FGF14: variants seen among roughly 807,000 people sequenced by gnomAD.
The protein encoded by FGF14 is fibroblast growth factor homologous factor 4.
In FGF14, 5 loss-of-function variants were observed where a neutral mutation model predicts 25.5. The ratio of observed to expected loss-of-function variants is 0.20; its 90% confidence interval spans 0.10 to 0.41. The LOEUF is 0.41. Ranked by LOEUF, FGF14 falls within the 10% of genes least tolerant of loss-of-function variation. FGF14 has a pLI of 1.00. For synonymous variants in FGF14, 138 were observed against 118.3 expected (o/e 1.17, Z -1.08); for missense variants, 222 against 320.1 (o/e 0.69, Z 2.34).
intron 1 of FGF14, among the ~76,000 whole-genome samples, chr13:102,023,243 T>A (rs886250884): frequency 8.6e-5 from 13 of 152,042 alleles, no homozygotes; most frequent in African/African-American, 3.1e-4. Context: ...TTCAAGGTTA[T>A]ATACCTAGAA....
chr13:102,037,612 C>T (rs916461366), intron 1 of FGF14, among the ~76,000 whole-genome samples: 1 of 152,196 alleles, frequency 6.6e-6, no homozygotes, highest in Non-Finnish European at 1.5e-5. Context: ...AAAAGGACCA[C>T]AACTACTAAC....
In FGF14 at chr13:102,197,650, A is replaced by G. The variant is rs572697537; in HGVS notation, c.208+203821T>C. ...CATAAATACAAATATCAATATATTT[A>G]CACATATATAGATACATATTGATAT... On this transcript the variant is annotated intron_variant, in intron 1 of 4. Coordinates refer to the FGF14 transcript ENST00000376131. Among the ~76,000 whole-genome samples the G allele has an allele frequency of 1.3e-4, 20 of 151,944 alleles. 1 individual carries two copies. The East Asian group carries it at 3.7e-3, about 28-fold the overall frequency.
At chr13:102,197,115 A>G (rs1276332750) in intron 1 of FGF14, among the ~76,000 whole-genome samples, 1 of 152,190 alleles carries the variant, frequency 6.6e-6, no homozygotes, top group East Asian at 1.9e-4. Context: ...CCATTGTAAG[A>G]ACAGGTATTC....
At chr13:102,361,489 G>A (rs186166033) in intron 1 of FGF14, among the ~76,000 whole-genome samples, 1 of 152,278 alleles carries the variant, frequency 6.6e-6, no homozygotes. Context: ...AGCTGTGTTG[G>A]TTGTGAATTT....
intron 1 of FGF14, among the ~76,000 whole-genome samples, chr13:102,311,190 C>T (rs889192450): frequency 6.6e-6 from 1 of 152,110 alleles, no homozygotes; most frequent in East Asian, 1.9e-4. Context: ...AAGAAAGATG[C>T]ATTTGGACAT....
chr13:101,726,291 G>A (rs2035429862), intron 4 of FGF14, among the ~76,000 whole-genome samples: 1 of 151,846 alleles, frequency 6.6e-6, no homozygotes, highest in Non-Finnish European at 1.5e-5. Flanking sequence ...TATCATTACA[G>A]ATTTAAAATT....
At chr13:102,216,374 T>A (rs2050370681) in intron 1 of FGF14, among the ~76,000 whole-genome samples, 1 of 152,208 alleles carries the variant, frequency 6.6e-6, no homozygotes, top group Non-Finnish European at 1.5e-5. Context: ...AATCATTTAT[T>A]CACAGCAGGA....
At chr13:102,116,979 A>T (rs1745097167) in intron 1 of FGF14, among the ~76,000 whole-genome samples, 1 of 151,444 alleles carries the variant, frequency 6.6e-6, no homozygotes, top group African/African-American at 2.4e-5. Context: ...TCTACCCCTC[A>T]CTCCACCTGC....
chr13:102,386,081 G>T (rs189948037), intron 1 of FGF14, among the ~76,000 whole-genome samples: 1 of 150,256 alleles, frequency 6.7e-6, no homozygotes, highest in African/African-American at 2.5e-5. Flanking sequence ...TAATTTTCTT[G>T]TAATTCTAAA....
chr13:102,161,674 A>T (rs1182090520), intron 1 of FGF14, among the ~76,000 whole-genome samples: 2,628 of 88,096 alleles, frequency 0.03, 229 homozygotes, highest in African/African-American at 0.074. Context: ...GAAGAAGAAG[A>T]AGAAGAAGAA....
At chr13:102,245,345 A>G (rs541126787) in intron 1 of FGF14, among the ~76,000 whole-genome samples, 1 of 152,232 alleles carries the variant, frequency 6.6e-6, no homozygotes, top group South Asian at 2.1e-4. Flanking sequence ...TTAGAGAACA[A>G]TTACTGAAAT....
intron 1 of FGF14, among the ~76,000 whole-genome samples, chr13:102,131,203 C>A (rs2046182650): frequency 6.6e-6 from 1 of 152,140 alleles, no homozygotes; most frequent in African/African-American, 2.4e-5. Context: ...AAGTGAGCAG[C>A]TGAAAAATTG....
intron 1 of FGF14, among the ~76,000 whole-genome samples, chr13:102,319,746 C>G (rs1372326997): frequency 2.0e-5 from 3 of 152,316 alleles, no homozygotes; most frequent in East Asian, 3.9e-4. Flanking sequence ...TCAGCTTATG[C>G]TGATAGCCAC....
intron 1 of FGF14, among the ~76,000 whole-genome samples, chr13:102,279,933 C>T (rs532086130): frequency 6.6e-6 from 1 of 152,320 alleles, no homozygotes; most frequent in South Asian, 2.1e-4. Context: ...TTCTTTCCTG[C>T]ATTTACATCT....
chr13:102,035,173 C>G (rs547246228), intron 1 of FGF14, among the ~76,000 whole-genome samples: 4 of 151,974 alleles, frequency 2.6e-5, no homozygotes, highest in African/African-American at 4.8e-5. Context: ...AGTATAGGAG[C>G]CTGTTAACAA....
chr13:102,364,329 T>C (rs1285380677), intron 1 of FGF14, among the ~76,000 whole-genome samples: 1 of 152,232 alleles, frequency 6.6e-6, no homozygotes, highest in African/African-American at 2.4e-5. Context: ...CATTCCAATT[T>C]GTTTTCATGG....
rs1272818255 is a variant in FGF14, at chr13:101,722,795, C to G, written c.*36G>C. The stretch of plus-strand genomic sequence containing the variant: ...TGAGGATAAATCACTCAACTGTGCT[C>G]AGGACGAATAAGTCACAACACCTGT... On this transcript the variant is annotated 3_prime_UTR_variant, in exon 5 of 5. Coordinates refer to ENST00000376143, the MANE Select transcript of FGF14 (RefSeq NM_004115.4). The G allele has an allele frequency of 3.1e-6, 5 of 1,612,704 alleles. No homozygotes were observed. In the Middle Eastern group the frequency reaches 6.6e-4, roughly 213 times the overall value.
At chr13:102,109,846 C>T (rs1309814161) in intron 1 of FGF14, among the ~76,000 whole-genome samples, 1 of 152,054 alleles carries the variant, frequency 6.6e-6, no homozygotes, top group Non-Finnish European at 1.5e-5. Context: ...TCTCGAACTC[C>T]CGACCTCAGG....
intron 1 of FGF14, among the ~76,000 whole-genome samples, chr13:102,098,451 T>C (rs1170702691): frequency 6.6e-6 from 1 of 152,252 alleles, no homozygotes; most frequent in East Asian, 1.9e-4. Flanking sequence ...TATGTTTTTA[T>C]GCTAAGGCAG....
Sources: allele counts gnomAD v4.1 joint callset (sites outside exome capture counted in the v4.1 genomes callset), GRCh38; gene constraint gnomAD v4.1.1; transcripts MANE v1.5; gene names NCBI Gene and HGNC (gene_info 2026-07-23, HGNC 2026-07-21).